Variants in SERINC2 observed in about 807,000 individuals in gnomAD.
SERINC2 encodes serine incorporator 2.
SERINC2 carries 56 observed loss-of-function variants against 54.2 expected under a neutral mutation model. The ratio of observed to expected loss-of-function variants is 1.03; its 90% confidence interval spans 0.83 to 1.29. The LOEUF is 1.29. Ranked by LOEUF, SERINC2 falls within the 50% of genes most tolerant of loss-of-function variation. The probability of loss-of-function intolerance (pLI) is 0.00; values close to 1 mark genes in which losing one functional copy is unlikely to be tolerated. For synonymous variants in SERINC2, 272 were observed against 253.1 expected (o/e 1.07, Z -0.71); for missense variants, 614 against 607.4 (o/e 1.01, Z -0.12).
chr1:31,428,839 G>C (rs1641113407), intron 6 of SERINC2, 139 bp from the exon 7 acceptor site: 1 of 695,086 alleles, frequency 1.4e-6, no homozygotes, highest in African/African-American at 1.8e-5. Flanking sequence ...TGGCCTGCTT[G>C]GTGTTTTCCC....
At chr1:31,432,433 T>C (rs1015008157) in intron 8 of SERINC2, among the ~76,000 whole-genome samples, 1 of 152,120 alleles carries the variant, frequency 6.6e-6, no homozygotes, top group African/African-American at 2.4e-5. Flanking sequence ...TGTTCTTTTT[T>C]TAGTGTAAGC....
At chr1:31,410,372 C>G, upstream of SERINC2, 1 of 1,546,732 alleles carries the variant, frequency 6.5e-7, no homozygotes, top group Non-Finnish European at 8.7e-7. Flanking sequence ...AAAAACTTAT[C>G]TTTATTTTAC....
chr1:31,432,110 ATAGGGTGGT>A lies in SERINC2; in HGVS notation c.1014-848_1014-840del, dbSNP rs200672063. ...AGGGTGGACAGGGTGGACAGGGTGG[ATAGGGTGGT>A]TAGGGTGGATAGGGTGGACAGGGTG... On this transcript the variant is annotated intron_variant, in intron 8 of 9. Coordinates refer to ENST00000373709, the MANE Select transcript of SERINC2 (RefSeq NM_178865.5). Among the ~76,000 whole-genome samples, 123 of 100,076 alleles carry A rather than the reference ATAGGGTGGT, an allele frequency of 1.2e-3. 8 individuals are homozygous for A. The highest frequency in any genetic ancestry group is 1.5e-3 in the African/African-American group (33 of 22,514). 65.7% of individuals were successfully genotyped at this position (100,076 alleles called of 152,430 possible). A position where few individuals can be genotyped will look rare whatever the true frequency, so the allele number is the denominator to read the frequency against.
rs78049982 is a variant in SERINC2 at position 31,413,903 on chromosome 1, G to GTCCC, written c.39+602_39+605dup. 0.21 allele frequency: 308,580 copies of GTCCC among 1,450,230 alleles called. 35,951 individuals carry two copies. The highest frequency in any genetic ancestry group is 0.44 in the East Asian group (15,185 of 34,520). The allele number at this position is 1,450,230 out of a possible 1,614,324, so 89.8% of individuals were successfully genotyped here. On this transcript the variant is annotated intron_variant, in intron 1 of 9. Transcript: ENST00000373709. This position sits in a 1 kb window ranked among gnomAD's most constrained non-coding sequence, Gnocchi z 5.0. Reference sequence around the variant, plus strand: ...TGTCCGTCTGCCCGTCCGCCCGTCCGTCCCTCAGTCTCTCTGCGGTCCCTT... The same window carrying GTCCC: ...TGTCCGTCTGCCCGTCCGCCCGTCCGTCCCTCCCTCAGTCTCTCTGCGGTCCCTT...
chr1:31,431,214 T>A (rs2148526366), intron 8 of SERINC2, among the ~76,000 whole-genome samples: 1 of 148,766 alleles, frequency 6.7e-6, no homozygotes, highest in East Asian at 2.1e-4. Flanking sequence ...AGCCTCAAAC[T>A]CCTGGGCTCA....
chr1:31,425,795 C>T lies in SERINC2; in HGVS notation c.492C>T (p.Val164=), dbSNP rs150296520. 4.2e-5 allele frequency: 67 copies of T among 1,613,314 alleles called. No homozygotes were observed. Among genetic ancestry groups the T allele is most frequent in the African/African-American group, 2.5e-4 (19 of 74,918 alleles). The change falls in exon 5 of 10, where the codon GTC becomes GTT. Residue 164 remains valine, a synonymous_variant. Transcript: ENST00000373709. ...SFTNIWFYFG[V]VGSFLFILIQ... Reference sequence around the variant, plus strand: ...ACCCAGTCTGGTTCTACTTCGGCGTCGTGGGCTCCTTCCTCTTCATCCTCA... The same window carrying T: ...ACCCAGTCTGGTTCTACTTCGGCGTTGTGGGCTCCTTCCTCTTCATCCTCA...
At chr1:31,419,218 C>G (rs1640848879) in intron 1 of SERINC2, among the ~76,000 whole-genome samples, 1 of 152,152 alleles carries the variant, frequency 6.6e-6, no homozygotes, top group Non-Finnish European at 1.5e-5. Context: ...GGCTCTGTAG[C>G]CAGGGAATTC....
At chr1:31,428,887 G>T (rs1641114821) in intron 6 of SERINC2, 91 bp from the exon 7 acceptor site, 3 of 925,646 alleles carry the variant, frequency 3.2e-6, no homozygotes, top group South Asian at 1.4e-5. Context: ...GTGGGTGGGA[G>T]TTTCTGAGGT....
chr1:31,410,827 A>G (rs56052143), upstream of SERINC2, among the ~76,000 whole-genome samples: 1,036 of 152,226 alleles, frequency 6.8e-3, 17 homozygotes, highest in African/African-American at 0.024. Context: ...GTTCTAGGTC[A>G]TGGATAGGGA....
At position 31,424,770 on chromosome 1, in the gene SERINC2, G is replaced by A. The variant is rs1011546066; in HGVS notation, c.289G>A (p.Val97Ile). ...DCGSLLGYRA[V>I]YRMCFATAAF... ...TGGCTCCCTGCTTGGCTACCGCGCT[G>A]TCTACCGCATGTGCTTCGCCACGGC... is the stretch of plus-strand genomic sequence containing the variant. Residue 97 changes from valine to isoleucine, a missense_variant, in exon 3 of 10, where the codon GTC becomes ATC. Transcript: ENST00000373709. 6.2e-7 allele frequency: 1 copy of A among 1,612,226 alleles called. No homozygotes were observed. The highest frequency in any genetic ancestry group is 1.1e-5 in the South Asian group (1 of 90,722).
chr1:31,434,084 T>A lies in SERINC2; in HGVS notation c.1253T>A (p.Met418Lys). The change falls in exon 10 of 10, where the codon ATG becomes AAG. Residue 418 changes from methionine (M) to lysine (K), a missense_variant. Transcript: ENST00000373709. ...NWYKPGETRK[M>K]ISTWTAVWVK... The stretch of plus-strand genomic sequence containing the variant: ...TCCAGGCCCGGTGAGACCCGGAAGA[T>A]GATCAGCACGTGGACCGCCGTGTGG... The A allele has an allele frequency of 1.2e-6, 2 of 1,613,952 alleles. No individual in the cohort carries two copies. Among genetic ancestry groups the A allele is most frequent in the Non-Finnish European group, 1.7e-6 (2 of 1,179,944 alleles).
chr1:31,413,762 G>GCCGCCTGCCAGT lies in SERINC2; in HGVS notation c.39+466_39+477dup, dbSNP rs1210008958. 6.1e-5 allele frequency: 84 copies of GCCGCCTGCCAGT among 1,378,656 alleles called. No homozygotes were observed. Among genetic ancestry groups the GCCGCCTGCCAGT allele is most frequent in the Non-Finnish European group, 7.8e-5 (84 of 1,073,316 alleles). The allele number at this position is 1,378,656 out of a possible 1,614,324, so 85.4% of individuals were successfully genotyped here. A position where few individuals can be genotyped will look rare whatever the true frequency, so the allele number is the denominator to read the frequency against. On this transcript the variant is annotated intron_variant, in intron 1 of 9. Transcript: ENST00000373709. This position sits in a 1 kb window ranked among gnomAD's most constrained non-coding sequence, Gnocchi z 5.0. ...GCGAGTGCCCTGCCCTACCCCTCTGGCCGCCTGCCAGTCCGCCTGTTCCTG... is the reference window on the plus strand; with the variant it reads ...GCGAGTGCCCTGCCCTACCCCTCTGGCCGCCTGCCAGTCCGCCTGCCAGTCCGCCTGTTCCTG...
intron 1 of SERINC2, among the ~76,000 whole-genome samples, chr1:31,418,482 TC>T (rs1415232981): frequency 3.3e-5 from 5 of 152,030 alleles, no homozygotes; most frequent in Admixed American, 1.3e-4. Context: ...TTCAAGCGAG[TC>T]TGCTGCCTCA....
At chr1:31,432,392 A>C (rs1641329339) in intron 8 of SERINC2, among the ~76,000 whole-genome samples, 1 of 152,094 alleles carries the variant, frequency 6.6e-6, no homozygotes, top group Non-Finnish European at 1.5e-5. Context: ...AAGGCTCATC[A>C]CAGAAAAGCA....
chr1:31,432,195 A>ATAGGGTGGATAGGGTGGAGAGG (rs1246443913), intron 8 of SERINC2, among the ~76,000 whole-genome samples: 1 of 25,152 alleles, frequency 4.0e-5, no homozygotes, highest in African/African-American at 1.1e-4. Context: ...GGGTGGTTAG[A>ATAGGGTGGATAGGGTGGAGAGG]GTGGAGAGAG....
At position 31,423,812 on chromosome 1, in the gene SERINC2, C is replaced by T. The variant is rs138609318; in HGVS notation, c.159C>T (p.Ser53=). ...TCCTCTTCCTGGGGGTGCTGGTGTC[C>T]ATCATTATGCTGAGCCCGGGCGTGG... ...TFFLFLGVLV[S]IIMLSPGVES... is the part of the protein sequence containing the mutation. The change falls in exon 2 of 10, where the codon TCC becomes TCT. Residue 53 remains serine (S), a synonymous_variant. Coordinates refer to ENST00000373709, the MANE Select transcript of SERINC2 (RefSeq NM_178865.5). 20 of 1,613,930 alleles carry T rather than the reference C, an allele frequency of 1.2e-5. No homozygotes were observed. In the African/African-American group the frequency reaches 2.7e-4, roughly 22 times the overall value.
intron 1 of SERINC2, among the ~76,000 whole-genome samples, chr1:31,415,433 A>G (rs1363962705): frequency 5.3e-5 from 8 of 151,942 alleles, no homozygotes; most frequent in African/African-American, 1.9e-4. Context: ...GGCTCTCCCC[A>G]CCTCCTCTAC....
chr1:31,424,989 C>G, intron 3 of SERINC2, 116 bp downstream of exon 3: 1 of 772,104 alleles, frequency 1.3e-6, no homozygotes, highest in Non-Finnish European at 2.1e-6. Flanking sequence ...CGGGAGGGCA[C>G]AGCATGGAGA....
At chr1:31,418,355 G>A (rs1640828814) in intron 1 of SERINC2, among the ~76,000 whole-genome samples, 1 of 152,080 alleles carries the variant, frequency 6.6e-6, no homozygotes, top group Non-Finnish European at 1.5e-5. Context: ...ATATCCAGAA[G>A]TGGAGGGCCA....
Sources: gnomAD v4.1 joint callset for allele counts (sites outside exome capture counted in the v4.1 genomes callset) on GRCh38, gnomAD v4.1.1 for gene constraint, Gnocchi (gnomAD v3.1) non-coding constraint, MANE v1.5 for transcripts, NCBI Gene and HGNC (gene_info 2026-07-23, HGNC 2026-07-21) for gene names.